BTBD8: variants seen among roughly 807,000 people sequenced by gnomAD.
BTBD8 encodes BTB domain containing 8, also known as BTB/POZ domain-containing protein 8.
BTBD8 carries 110 observed loss-of-function variants against 162.9 expected under a neutral mutation model. The observed-to-expected ratio is 0.68, with a 90% CI of 0.58 to 0.79. The LOEUF is 0.79. Ranked by LOEUF, BTBD8 falls within the 30% of genes least tolerant of loss-of-function variation. The pLI is 0.00. For synonymous variants in BTBD8, 667 were observed against 716.1 expected (o/e 0.93, Z 1.10); for missense variants, 1,905 against 2,085.4 (o/e 0.91, Z 1.68).
intron 9 of BTBD8, among the ~76,000 whole-genome samples, chr1:92,165,912 G>C (rs1650374278): frequency 6.6e-6 from 1 of 152,132 alleles, no homozygotes; most frequent in African/African-American, 2.4e-5. Context: ...TTGGTGGATG[G>C]AATTTGTGGC....
intron 9 of BTBD8, among the ~76,000 whole-genome samples, chr1:92,154,418 C>T (rs1200227002): frequency 1.3e-5 from 2 of 152,112 alleles, no homozygotes; most frequent in Non-Finnish European, 2.9e-5. Context: ...ACAAGTACTA[C>T]CTATTCTCCA....
At chr1:92,145,695 A>AC (rs1649893835) in intron 7 of BTBD8, among the ~76,000 whole-genome samples, 1 of 152,168 alleles carries the variant, frequency 6.6e-6, no homozygotes. Context: ...AAAATACCTT[A>AC]CGTAGGCCGG....
In BTBD8 at chr1:92,089,946, C is replaced by G. The variant is rs115980565; in HGVS notation, c.347+1051C>G. 4.0e-3 allele frequency among the ~76,000 whole-genome samples: 605 copies of G among 152,230 alleles called. 3 individuals carry two copies. Among genetic ancestry groups the G allele is most frequent in the African/African-American group, 0.014 (587 of 41,534 alleles). On this transcript the variant is annotated intron_variant, in intron 2 of 17. Coordinates refer to ENST00000636805, the MANE Select transcript of BTBD8 (RefSeq NM_001376131.1). ...GTCATCAGCTAAATAATGGGAGAAA[C>G]TAGTTTAAATTAATCTTCATTCTGT...
At chr1:92,126,536 G>A (rs1015495261) in intron 4 of BTBD8, 9 of 521,634 alleles carry the variant, frequency 1.7e-5, no homozygotes, top group Non-Finnish European at 3.4e-5. Context: ...CTTTATTTTC[G>A]CTATTTGCAG....
At chr1:92,147,554 G>C in intron 8 of BTBD8, 130 bp from the exon 9 acceptor site, 1 of 674,136 alleles carries the variant, frequency 1.5e-6, no homozygotes, top group South Asian at 2.1e-5. Flanking sequence ...GTCCATTTTA[G>C]GGTTCATAAA....
In BTBD8 at chr1:92,080,736, A is replaced by G. The variant is rs753005276; in HGVS notation, c.149+16A>G. On this transcript the variant is annotated intron_variant, in intron 1 of 17. Coordinates refer to ENST00000636805, the MANE Select transcript of BTBD8 (RefSeq NM_001376131.1). ...ATTTGCTCAGGTAGGAGGAGGCGGGAACTCTGGCTGCTTCAGTTCCTAAAT... is the reference window on the plus strand; with the variant it reads ...ATTTGCTCAGGTAGGAGGAGGCGGGGACTCTGGCTGCTTCAGTTCCTAAAT... 22 of 1,602,284 alleles carry G rather than the reference A, an allele frequency of 1.4e-5. No homozygotes were observed. Among genetic ancestry groups the G allele is most frequent in the Non-Finnish European group, 1.7e-5 (20 of 1,175,502 alleles).
At chr1:92,136,099 A>G (rs2101936023) in intron 5 of BTBD8, among the ~76,000 whole-genome samples, 1 of 152,338 alleles carries the variant, frequency 6.6e-6, no homozygotes, top group South Asian at 2.1e-4. Flanking sequence ...ATCAGCAGAA[A>G]CTAGTACTTA....
At chr1:92,156,069 G>A (rs1650153822) in intron 9 of BTBD8, among the ~76,000 whole-genome samples, 1 of 152,080 alleles carries the variant, frequency 6.6e-6, no homozygotes, top group Non-Finnish European at 1.5e-5. Flanking sequence ...GTGGGCTTGT[G>A]GCCTCTATTA....
intron 4 of BTBD8, among the ~76,000 whole-genome samples, chr1:92,122,404 T>G (rs553136570): frequency 6.5e-4 from 98 of 151,578 alleles, no homozygotes; most frequent in Non-Finnish European, 1.1e-3. Flanking sequence ...GACTACAGGT[T>G]TGTGCCACCA....
intron 4 of BTBD8, chr1:92,115,354 A>G: frequency 2.2e-6 from 1 of 458,834 alleles, no homozygotes. Context: ...TTGGTGGTAC[A>G]GGAGACATTG....
intron 2 of BTBD8, among the ~76,000 whole-genome samples, chr1:92,091,744 G>A: frequency 6.6e-6 from 1 of 152,020 alleles, no homozygotes; most frequent in East Asian, 1.9e-4. Flanking sequence ...TTACTCCTAT[G>A]TTTTTTTCTA....
chr1:92,118,012 C>A (rs1649092249), intron 4 of BTBD8, among the ~76,000 whole-genome samples: 1 of 151,952 alleles, frequency 6.6e-6, no homozygotes, highest in African/African-American at 2.4e-5. Context: ...TTTTTTAGAA[C>A]AGTTCCAGAT....
chr1:92,095,253 C>T (rs987918943), intron 2 of BTBD8, among the ~76,000 whole-genome samples: 1 of 152,190 alleles, frequency 6.6e-6, no homozygotes, highest in African/African-American at 2.4e-5. Flanking sequence ...CTCCCATAGG[C>T]CAGAGCCAGT....
intron 9 of BTBD8, among the ~76,000 whole-genome samples, chr1:92,162,289 C>G (rs780159437): frequency 2.0e-5 from 3 of 152,214 alleles, no homozygotes; most frequent in African/African-American, 7.2e-5. Context: ...ACATGAGATA[C>G]CTGCAGCTCA....
intron 5 of BTBD8, among the ~76,000 whole-genome samples, chr1:92,135,605 G>A (rs144974761): frequency 5.9e-5 from 9 of 152,070 alleles, no homozygotes; most frequent in East Asian, 3.9e-4. Context: ...GCTTTTCTAG[G>A]TCAGTTGATC....
intron 3 of BTBD8, among the ~76,000 whole-genome samples, chr1:92,103,051 AC>A (rs1648631896): frequency 6.6e-6 from 1 of 152,232 alleles, no homozygotes; most frequent in Admixed American, 6.5e-5. Context: ...ATGGCATTTT[AC>A]CATGAAAGAG....
intron 16 of BTBD8, 99 bp downstream of exon 16, chr1:92,178,550 T>G (rs750891603): frequency 3.0e-5 from 28 of 920,630 alleles, no homozygotes; most frequent in Admixed American, 2.1e-4. Context: ...ATAAGCAAAA[T>G]ATGGTTTTAC....
chr1:92,143,970 T>C (rs1412480687), intron 7 of BTBD8, among the ~76,000 whole-genome samples: 2 of 119,700 alleles, frequency 1.7e-5, no homozygotes, highest in Non-Finnish European at 3.6e-5. Context: ...CTTTTAGTTC[T>C]TTTTTTTTTT....
chr1:92,140,480 A>C (rs1301900732), intron 6 of BTBD8, among the ~76,000 whole-genome samples: 2 of 152,258 alleles, frequency 1.3e-5, no homozygotes, highest in African/African-American at 2.4e-5. Flanking sequence ...GGTTCCTTTA[A>C]TTTTAAACTG....
Sources: gnomAD v4.1 joint callset for allele counts (sites outside exome capture counted in the v4.1 genomes callset) on GRCh38, gnomAD v4.1.1 for gene constraint, MANE v1.5 for transcripts, NCBI Gene and HGNC (gene_info 2026-07-23, HGNC 2026-07-21) for gene names.